The following ANK3 variants were observed in gnomAD, a reference collection of about 807,000 sequenced individuals.
ANK3 encodes ankyrin 3.
In ANK3, 57 loss-of-function variants were observed where a neutral mutation model predicts 370.9. That is an observed-to-expected ratio of 0.15 (90% confidence interval 0.12 to 0.19). The LOEUF is 0.19. ANK3 is among the 10% of genes least tolerant of loss of function. The pLI, the probability that ANK3 is intolerant of heterozygous loss-of-function variation, is 1.00. For synonymous variants in ANK3, 1,929 were observed against 1,946.3 expected (o/e 0.99, Z 0.23); for missense variants, 4,439 against 5,302.1 (o/e 0.84, Z 5.06).
At chr10:60,049,636 TACA>T (rs2077560303) in intron 42 of ANK3, among the ~76,000 whole-genome samples, 1 of 152,184 alleles carries the variant, frequency 6.6e-6, no homozygotes, top group African/African-American at 2.4e-5. Flanking sequence ...TTATGAAACC[TACA>T]ACATTATAGT....
At chr10:60,379,619 G>A (rs1465019575) in intron 1 of ANK3, among the ~76,000 whole-genome samples, 2 of 151,974 alleles carry the variant, frequency 1.3e-5, no homozygotes, top group Non-Finnish European at 2.9e-5. Flanking sequence ...CCAGGAACAG[G>A]AAGTTACACA....
intron 2 of ANK3, among the ~76,000 whole-genome samples, chr10:60,600,526 C>A (rs2078046426): frequency 6.6e-6 from 1 of 152,136 alleles, no homozygotes; most frequent in South Asian, 2.1e-4. Flanking sequence ...ACTTACTACT[C>A]TCTAAAATGA....
At chr10:60,572,584 T>G in intron 2 of ANK3, 3 of 1,526,478 alleles carry the variant, frequency 2.0e-6, no homozygotes, top group Non-Finnish European at 2.6e-6. Context: ...TATTCCAACA[T>G]CCAAAACCAC....
rs935591822 is a variant in ANK3 at position 60,207,902 on chromosome 10, T to C, written c.1194+134A>G. On this transcript the variant is annotated intron_variant, in intron 10 of 43. Transcript: ENST00000280772. ...TTTGTAGACTTTCCTGAAGGATATT[T>C]GAAAAAATTGACAAGAAGTACACTT... The C allele has an allele frequency of 8.5e-5, 68 of 801,994 alleles. No individual in the cohort carries two copies. In the Admixed American group the frequency reaches 1.7e-3, roughly 21 times the overall value. 49.7% of individuals were successfully genotyped at this position (801,994 alleles called of 1,614,324 possible).
intron 2 of ANK3, among the ~76,000 whole-genome samples, chr10:60,489,096 A>AC (rs1158519270): frequency 1.3e-5 from 2 of 152,220 alleles, no homozygotes; most frequent in African/African-American, 4.8e-5. Context: ...TTTCACAATG[A>AC]CCATAGTCCA....
Position 60,070,785 on chromosome 10 carries a change from C to T in ANK3, c.10096G>A (p.Gly3366Arg), listed in dbSNP as rs2131969264. The change falls in exon 37 of 44, where the codon GGA (glycine) becomes AGA (arginine). Residue 3366 changes from glycine (G) to arginine (R), a missense_variant. Gly to Arg is a moderately radical substitution (Grantham distance 125). This residue lies in a region of ANK3 where 1,601 missense variants were observed against 1,731.7 expected (regional missense o/e 0.92). Coordinates refer to ENST00000280772, the MANE Select transcript of ANK3 (RefSeq NM_020987.5). The surrounding 1 kb of genome is among the most constrained non-coding windows in gnomAD (Gnocchi z 5.7). The part of the protein sequence containing the change: ...NQKELESNGS[G>R]KDNEFGLGLD... ...CCAAGGCCAAATTCATTATCTTTTCCAGATCCATTACTTTCCAGTTCTTTC... is the reference window on the plus strand; with the variant it reads ...CCAAGGCCAAATTCATTATCTTTTCTAGATCCATTACTTTCCAGTTCTTTC... 1 of 1,614,192 alleles carries T rather than the reference C, an allele frequency of 6.2e-7. No homozygotes were observed. Among genetic ancestry groups the T allele is most frequent in the Non-Finnish European group, 8.5e-7 (1 of 1,180,026 alleles).
intron 7 of ANK3, among the ~76,000 whole-genome samples, chr10:60,256,054 T>G (rs1425565453): frequency 6.6e-6 from 1 of 152,136 alleles, no homozygotes; most frequent in Admixed American, 6.5e-5. Context: ...CAGCCTGTGG[T>G]CTTTGGGGAC....
At chr10:60,451,770 C>A (rs7917190) in intron 2 of ANK3, among the ~76,000 whole-genome samples, 58,164 of 152,032 alleles carry the variant, frequency 0.38, 11,837 homozygotes, top group Non-Finnish European at 0.46. Flanking sequence ...TTTGTTCCCA[C>A]GGCTCACGCT....
chr10:60,156,884 T>A (rs1425812729), intron 23 of ANK3, among the ~76,000 whole-genome samples: 2 of 152,106 alleles, frequency 1.3e-5, no homozygotes, highest in Non-Finnish European at 2.9e-5. Context: ...TGCCCAGGTA[T>A]CAACAAATGT....
At chr10:60,086,591 A>C in intron 30 of ANK3, 86 bp downstream of exon 30, 1 of 1,193,060 alleles carries the variant, frequency 8.4e-7, no homozygotes, top group South Asian at 1.7e-5. Context: ...TGGATATTTC[A>C]AAGGTTTTAT....
At chr10:60,184,689 C>T (rs564634416) in intron 17 of ANK3, among the ~76,000 whole-genome samples, 26 of 152,138 alleles carry the variant, frequency 1.7e-4, no homozygotes, top group Admixed American at 5.2e-4. Context: ...AATTTTTGCC[C>T]TAAATATTTT....
intron 1 of ANK3, among the ~76,000 whole-genome samples, chr10:60,343,600 T>C (rs1232221738): frequency 6.6e-6 from 1 of 152,196 alleles, no homozygotes; most frequent in Non-Finnish European, 1.5e-5. Flanking sequence ...ACTACCAATA[T>C]ATCTAAACCC....
intron 38 of ANK3, among the ~76,000 whole-genome samples, chr10:60,066,345 C>T (rs2081628661): frequency 6.6e-6 from 1 of 152,112 alleles, no homozygotes; most frequent in Non-Finnish European, 1.5e-5. Context: ...CAGTTCTAGG[C>T]ATATAATAAT....
chr10:60,198,652 T>G (rs2096623558), intron 13 of ANK3, 115 bp from the exon 14 acceptor site: 2 of 894,390 alleles, frequency 2.2e-6, no homozygotes, highest in South Asian at 3.1e-5. Context: ...ACTTTTTGAG[T>G]CAATGCTAAA....
chr10:60,227,665 C>A (rs1347355767), intron 8 of ANK3, among the ~76,000 whole-genome samples: 2 of 151,888 alleles, frequency 1.3e-5, no homozygotes, highest in Non-Finnish European at 2.9e-5. Context: ...TGTTCAAGTC[C>A]TCCAATTTTT....
rs2082135308 is a variant in ANK3 at position 60,068,892 on chromosome 10, T to C, written c.11989A>G (p.Ile3997Val). The change falls in exon 37 of 44, where the codon ATT becomes GTT. Residue 3997 changes from isoleucine to valine, a missense_variant. Around this residue, in one of 13 missense-constraint regions of ANK3, gnomAD observed 496 missense variants for 529.3 expected, o/e 0.94. Transcript: ENST00000280772. ...SQLKEVCKHSIEYFKGISGET... is the reference protein window; with the variant it reads ...SQLKEVCKHSVEYFKGISGET... ...CCACTAATTCCCTTAAAATATTCAA[T>C]GGAATGTTTACATACTTCCTTGAGC... is the stretch of plus-strand genomic sequence containing the variant. 1 of 1,614,084 alleles carries C rather than the reference T, an allele frequency of 6.2e-7. No individual in the cohort carries two copies. The highest frequency in any genetic ancestry group is 1.3e-5 in the African/African-American group (1 of 74,936).
At chr10:60,336,496 A>G (rs1228680476) in intron 1 of ANK3, among the ~76,000 whole-genome samples, 1 of 152,160 alleles carries the variant, frequency 6.6e-6, no homozygotes, top group Non-Finnish European at 1.5e-5. Flanking sequence ...AAACACATAT[A>G]CACACAGAAA....
intron 18 of ANK3, among the ~76,000 whole-genome samples, chr10:60,174,200 C>T (rs942171820): frequency 6.6e-6 from 1 of 152,150 alleles, no homozygotes; most frequent in African/African-American, 2.4e-5. Flanking sequence ...CAGTTGACTG[C>T]AGAAGGTGAA....
At chr10:60,515,879 A>C (rs1188246865) in intron 2 of ANK3, among the ~76,000 whole-genome samples, 1 of 152,170 alleles carries the variant, frequency 6.6e-6, no homozygotes, top group African/African-American at 2.4e-5. Context: ...TTTGGAACCA[A>C]CTATGTACCA....
Sources: allele counts gnomAD v4.1 joint callset (sites outside exome capture counted in the v4.1 genomes callset), GRCh38; gene constraint gnomAD v4.1.1; regional missense constraint gnomAD v4.1.1; non-coding constraint Gnocchi (gnomAD v3.1); transcripts MANE v1.5; gene names NCBI Gene and HGNC (gene_info 2026-07-23, HGNC 2026-07-21).